IMMP2L: variants seen among roughly 807,000 people sequenced by gnomAD.
The protein encoded by IMMP2L is mitochondrial inner membrane protease subunit 2.
Under a neutral mutation model 19.3 loss-of-function variants are expected in IMMP2L, and 18 were observed. The ratio of observed to expected loss-of-function variants is 0.93; its 90% CI spans 0.64 to 1.38. The LOEUF (loss-of-function observed/expected upper bound fraction) is 1.38. Among genes scored for constraint, IMMP2L ranks in the 40% most tolerant of loss-of-function variants. The pLI, the probability that IMMP2L is intolerant of heterozygous loss-of-function variation, is 0.00. For synonymous variants in IMMP2L, 76 were observed against 73.0 expected (o/e 1.04, Z -0.21); for missense variants, 233 against 218.2 (o/e 1.07, Z -0.43).
chr7:110,669,027 ATG>A (rs1157990003), intron 5 of IMMP2L, among the ~76,000 whole-genome samples: 212 of 18,018 alleles, frequency 0.012, 1 homozygote, highest in Admixed American at 0.021. Context: ...AACCAACAGT[ATG>A]TGTGTGTGTG....
At chr7:111,239,416 A>G (rs1336179698) in intron 3 of IMMP2L, among the ~76,000 whole-genome samples, 1 of 151,910 alleles carries the variant, frequency 6.6e-6, no homozygotes, top group Non-Finnish European at 1.5e-5. Flanking sequence ...TTTGAATTTA[A>G]TGCTCTCATA....
At chr7:110,821,917 T>A (rs1477344508) in intron 5 of IMMP2L, among the ~76,000 whole-genome samples, 1 of 151,762 alleles carries the variant, frequency 6.6e-6, no homozygotes, top group South Asian at 2.1e-4. Context: ...GCAAGACTCT[T>A]GTCTCAAAAA....
At chr7:111,157,902 A>C (rs573954186) in intron 3 of IMMP2L, among the ~76,000 whole-genome samples, 2 of 152,116 alleles carry the variant, frequency 1.3e-5, no homozygotes, top group South Asian at 4.1e-4. Context: ...TAAATATTAA[A>C]AGAGAAAACC....
intron 3 of IMMP2L, among the ~76,000 whole-genome samples, chr7:111,016,808 A>AT (rs1825672029): frequency 1.2e-5 from 1 of 85,546 alleles, no homozygotes; most frequent in Non-Finnish European, 2.0e-5. Flanking sequence ...TATAATATAT[A>AT]CTATATATTA....
chr7:110,815,379 T>C (rs1421166415), intron 5 of IMMP2L, among the ~76,000 whole-genome samples: 2 of 152,130 alleles, frequency 1.3e-5, no homozygotes, highest in African/African-American at 4.8e-5. Context: ...AGTATTTTAT[T>C]GAGGATTTTT....
chr7:111,184,906 AAGTT>A (rs1808101885), intron 3 of IMMP2L, among the ~76,000 whole-genome samples: 1 of 152,162 alleles, frequency 6.6e-6, no homozygotes, highest in Admixed American at 6.5e-5. Context: ...TTTATGTAAT[AAGTT>A]AGTAAGTATA....
intron 3 of IMMP2L, among the ~76,000 whole-genome samples, chr7:111,148,992 A>T (rs1803786638): frequency 6.6e-6 from 1 of 152,094 alleles, no homozygotes; most frequent in South Asian, 2.1e-4. Flanking sequence ...AGAGTAAATA[A>T]AATTTGAATC....
rs567241276 is a variant in IMMP2L at position 111,239,193 on chromosome 7, T to C, written c.239+248045A>G. Among the ~76,000 whole-genome samples the C allele has an allele frequency of 5.5e-4, 83 of 152,050 alleles. 1 individual carries two copies. The highest frequency in any genetic ancestry group is 6.8e-3 in the Middle Eastern group (2 of 294). ...ACATCCTGTTCAACATTAGTTAATT[T>C]GTTATCCAAACTATCGCTATGAGTA... On this transcript the variant is annotated intron_variant, in intron 3 of 5. Transcript: ENST00000405709.
rs371237436 is a variant in IMMP2L, at chr7:111,368,307, T to C, written c.239+118931A>G. Among the ~76,000 whole-genome samples, 24 of 152,034 alleles carry C rather than the reference T, an allele frequency of 1.6e-4. 1 individual carries two copies. In the East Asian group the frequency reaches 3.5e-3, roughly 22 times the overall value. The stretch of plus-strand genomic sequence containing the variant: ...TGGTGGAAGCATAAATCCAAATACA[T>C]GTTCTCCATTATGGAAACCAAAGAT... On this transcript the variant is annotated intron_variant, in intron 3 of 5. Coordinates refer to ENST00000405709, the MANE Select transcript of IMMP2L (RefSeq NM_032549.4).
chr7:110,769,780 G>A (rs1185274976), intron 5 of IMMP2L, among the ~76,000 whole-genome samples: 3 of 152,094 alleles, frequency 2.0e-5, no homozygotes, highest in Non-Finnish European at 4.4e-5. Context: ...TAAGATAGAC[G>A]TTATATGACA....
At position 110,687,797 on chromosome 7, in the gene IMMP2L, C is replaced by T. The variant is rs1312061610; in HGVS notation, c.409-24076G>A. 2.0e-5 allele frequency among the ~76,000 whole-genome samples: 3 copies of T among 151,996 alleles called. No individual in the cohort carries two copies. The East Asian group carries it at 5.8e-4, about 29-fold the overall frequency. On this transcript the variant is annotated intron_variant, in intron 5 of 5. Coordinates refer to ENST00000405709, the MANE Select transcript of IMMP2L (RefSeq NM_032549.4). Reference sequence around the variant, plus strand: ...AGAGGGCCACAAAAATATATCCCTACTCACACACTTTTCTGTGATGTAATC... The same window carrying T: ...AGAGGGCCACAAAAATATATCCCTATTCACACACTTTTCTGTGATGTAATC...
At chr7:111,220,334 A>C (rs1278230185) in intron 3 of IMMP2L, among the ~76,000 whole-genome samples, 1 of 152,036 alleles carries the variant, frequency 6.6e-6, no homozygotes, top group Non-Finnish European at 1.5e-5. Context: ...GTTACCAGAC[A>C]AAAAAATAAA....
chr7:111,394,327 C>T (rs1181272529), intron 3 of IMMP2L, among the ~76,000 whole-genome samples: 1 of 152,108 alleles, frequency 6.6e-6, no homozygotes, highest in Non-Finnish European at 1.5e-5. Context: ...TGTAGTATAA[C>T]AGATTTTCAT....
intron 5 of IMMP2L, among the ~76,000 whole-genome samples, chr7:110,666,599 C>A (rs1223500321): frequency 6.6e-6 from 1 of 151,810 alleles, no homozygotes; most frequent in African/African-American, 2.4e-5. Context: ...AGGTTTAGTA[C>A]TAGGTGTGCT....
At chr7:111,039,908 G>C (rs1791725073) in intron 3 of IMMP2L, among the ~76,000 whole-genome samples, 1 of 152,168 alleles carries the variant, frequency 6.6e-6, no homozygotes, top group African/African-American at 2.4e-5. Context: ...GTTCACACCT[G>C]TAATCCCAGC....
chr7:111,369,093 T>C (rs1162646886), intron 3 of IMMP2L, among the ~76,000 whole-genome samples: 1 of 100,424 alleles, frequency 1.0e-5, no homozygotes, highest in Non-Finnish European at 2.0e-5. Context: ...CTATTCTTTT[T>C]TAATAATAGT....
chr7:111,341,955 G>A (rs1186859648), intron 3 of IMMP2L, among the ~76,000 whole-genome samples: 3 of 152,088 alleles, frequency 2.0e-5, no homozygotes, highest in Non-Finnish European at 4.4e-5. Flanking sequence ...CTCACCAGAT[G>A]CCAGCTGCTC....
rs576320740 is a variant in IMMP2L, at chr7:110,757,200, G to T, written c.409-93479C>A. 6.6e-6 allele frequency among the ~76,000 whole-genome samples: 1 copy of T among 152,046 alleles called. No individual in the cohort carries two copies. Among genetic ancestry groups the T allele is most frequent in the Non-Finnish European group, 1.5e-5 (1 of 67,998 alleles). ...ATAGGGAGGGAATCCAGTGTTGGAG[G>T]CAAGGGGTGAAATCAGGGCTGGCTT... On this transcript the variant is annotated intron_variant, in intron 5 of 5. Coordinates refer to ENST00000405709, the MANE Select transcript of IMMP2L (RefSeq NM_032549.4). The surrounding 1 kb of genome is among the most constrained non-coding windows in gnomAD (Gnocchi z 4.2).
chr7:111,177,407 C>T (rs1807197502), intron 3 of IMMP2L, among the ~76,000 whole-genome samples: 3 of 152,032 alleles, frequency 2.0e-5, no homozygotes, highest in Non-Finnish European at 4.4e-5. Flanking sequence ...TCTGGAACTG[C>T]TGGCCTCAAA....
Sources: gnomAD v4.1 joint callset for allele counts (sites outside exome capture counted in the v4.1 genomes callset) on GRCh38, gnomAD v4.1.1 for gene constraint, Gnocchi (gnomAD v3.1) non-coding constraint, MANE v1.5 for transcripts, NCBI Gene and HGNC (gene_info 2026-07-23, HGNC 2026-07-21) for gene names.